Variants in TRIO observed in about 807,000 individuals in gnomAD.
TRIO encodes triple functional domain protein.
In TRIO, 58 loss-of-function variants were observed where a neutral mutation model predicts 351.9. The observed-to-expected ratio is 0.16, with a 90% CI of 0.13 to 0.21. The LOEUF is 0.21. Ranked by LOEUF, TRIO falls within the 10% of genes least tolerant of loss-of-function variation. TRIO has a pLI of 1.00. For missense variants in TRIO, 3,201 were observed against 4,027.8 expected (o/e 0.79, Z 5.56); for synonymous variants, 1,758 against 1,595.7 (o/e 1.10, Z -2.42).
Position 14,387,862 on chromosome 5 carries a change from C to T in TRIO, c.3881+15C>T. 6.2e-7 allele frequency: 1 copy of T among 1,610,802 alleles called. No individual in the cohort carries two copies. The highest frequency in any genetic ancestry group is 8.5e-7 in the Non-Finnish European group (1 of 1,177,388). The stretch of plus-strand genomic sequence containing the variant: ...CGCAGGAAAGAGTAAGCCAGTCTTT[C>T]AGAATCTACCAGGATTCACTGGAAA... On this transcript the variant is annotated intron_variant, in intron 23 of 56. Transcript: ENST00000344204.
chr5:14,423,376 G>T (rs1750344820), intron 34 of TRIO, among the ~76,000 whole-genome samples: 1 of 152,208 alleles, frequency 6.6e-6, no homozygotes, highest in Middle Eastern at 3.2e-3. Flanking sequence ...CACCATTGTT[G>T]ATGGCTCAGT....
In TRIO at chr5:14,457,226, C is replaced by T. The variant is rs16903522; in HGVS notation, c.5204-3793C>T. ...ACATTTTTCTAAGTCATAAATATTC[C>T]GGCAAAATGAAAGAATGTCACTTCC... On this transcript the variant is annotated intron_variant, in intron 34 of 56. Transcript: ENST00000344204. Among the ~76,000 whole-genome samples, 925 of 152,088 alleles carry T rather than the reference C, an allele frequency of 6.1e-3. 15 individuals are homozygous for T. The highest frequency in any genetic ancestry group is 0.021 in the African/African-American group (891 of 41,466).
At chr5:14,301,224 C>A (rs751523453) in intron 7 of TRIO, among the ~76,000 whole-genome samples, 1 of 152,044 alleles carries the variant, frequency 6.6e-6, no homozygotes, top group Non-Finnish European at 1.5e-5. Context: ...CTCTGTTTTG[C>A]AAACTGGGTG....
intron 1 of TRIO, among the ~76,000 whole-genome samples, chr5:14,240,005 A>G (rs1175051671): frequency 6.6e-6 from 1 of 152,190 alleles, no homozygotes; most frequent in Non-Finnish European, 1.5e-5. Context: ...TCTCATGTAG[A>G]TCATCCCCCA....
At position 14,394,133 on chromosome 5, in the gene TRIO, A is replaced by G. The variant is rs754928588; in HGVS notation, c.4311+3A>G. ...CGAAGTATCAGCTCCTTTTAAAAGT[A>G]TGTATAATGCGTCTTCAGCCTGTGA... On this transcript the variant is annotated splice_donor_region_variant and intron_variant, in intron 28 of 56. Coordinates refer to ENST00000344204, the MANE Select transcript of TRIO (RefSeq NM_007118.4). The G allele has an allele frequency of 5.7e-6, 9 of 1,585,744 alleles. No homozygotes were observed. The highest frequency in any genetic ancestry group is 7.8e-6 in the Non-Finnish European group (9 of 1,155,932).
intron 19 of TRIO, among the ~76,000 whole-genome samples, chr5:14,376,333 C>A (rs1745555317): frequency 6.6e-6 from 1 of 152,172 alleles, no homozygotes; most frequent in East Asian, 1.9e-4. Context: ...GCAAAACAGA[C>A]TTAGTGTCAA....
intron 9 of TRIO, 42 bp from the exon 10 acceptor site, chr5:14,330,736 G>C (rs1740833051): frequency 1.9e-6 from 3 of 1,606,470 alleles, no homozygotes; most frequent in Non-Finnish European, 8.5e-7. Flanking sequence ...GAACATGGCA[G>C]GACATTGTTT....
At chr5:14,463,884 C>T (rs1411682307) in intron 36 of TRIO, among the ~76,000 whole-genome samples, 1 of 152,156 alleles carries the variant, frequency 6.6e-6, no homozygotes, top group Non-Finnish European at 1.5e-5. Context: ...TCATGCACTC[C>T]TCTTAACCCA....
At chr5:14,202,702 T>C (rs1791213309) in intron 1 of TRIO, among the ~76,000 whole-genome samples, 2 of 148,492 alleles carry the variant, frequency 1.3e-5, no homozygotes, top group Non-Finnish European at 3.0e-5. Context: ...TGGCTCTCAT[T>C]ATCTCGTCTG....
chr5:14,490,783 T>TACTAC (rs1380555998), intron 48 of TRIO: 2 of 455,780 alleles, frequency 4.4e-6, no homozygotes, highest in African/African-American at 2.0e-5. Flanking sequence ...TATGAGATTG[T>TACTAC]AGCCTGGTAT....
chr5:14,391,566 G>A (rs544139946), intron 27 of TRIO, among the ~76,000 whole-genome samples: 18 of 152,280 alleles, frequency 1.2e-4, no homozygotes, highest in East Asian at 5.8e-4. Flanking sequence ...CTGTTGCAGC[G>A]GCTTATTCAG....
At chr5:14,205,517 C>T (rs1272746047) in intron 1 of TRIO, among the ~76,000 whole-genome samples, 1 of 151,944 alleles carries the variant, frequency 6.6e-6, no homozygotes, top group Non-Finnish European at 1.5e-5. Context: ...GGATAAAAAC[C>T]CCTGGAAAAA....
intron 11 of TRIO, among the ~76,000 whole-genome samples, chr5:14,338,137 C>G (rs1741596815): frequency 6.6e-6 from 1 of 152,194 alleles, no homozygotes; most frequent in Non-Finnish European, 1.5e-5. Flanking sequence ...CCGAGCTTGT[C>G]TCTTGCTGCC....
At chr5:14,410,064 C>T (rs1478497185) in intron 33 of TRIO, among the ~76,000 whole-genome samples, 4 of 152,122 alleles carry the variant, frequency 2.6e-5, no homozygotes, top group Non-Finnish European at 5.9e-5. Flanking sequence ...CTGAGAGCAT[C>T]GGTCCTTAGT....
At chr5:14,192,578 T>C (rs1790524294) in intron 1 of TRIO, among the ~76,000 whole-genome samples, 1 of 152,168 alleles carries the variant, frequency 6.6e-6, no homozygotes, top group Non-Finnish European at 1.5e-5. Context: ...ATAATATCAG[T>C]ATTCTGGGAT....
intron 31 of TRIO, among the ~76,000 whole-genome samples, chr5:14,403,590 T>A (rs1278289230): frequency 1.7e-5 from 2 of 117,008 alleles, no homozygotes; most frequent in African/African-American, 7.0e-5. Flanking sequence ...TAGGTTGTGG[T>A]GGTGAGGGTG....
chr5:14,492,844 C>T, intron 49 of TRIO, 30 bp downstream of exon 49: 1 of 1,605,394 alleles, frequency 6.2e-7, no homozygotes, highest in Non-Finnish European at 8.5e-7. Flanking sequence ...GGCGTCCTGG[C>T]AGGCAGCAGA....
intron 32 of TRIO, chr5:14,406,229 C>T (rs1243319933): frequency 4.9e-6 from 3 of 610,582 alleles, no homozygotes; most frequent in African/African-American, 3.7e-5. Context: ...TTGCCTTTCT[C>T]ACCCCGAGCA....
intron 1 of TRIO, among the ~76,000 whole-genome samples, chr5:14,157,745 C>T (rs1788202528): frequency 6.6e-6 from 1 of 152,084 alleles, no homozygotes; most frequent in South Asian, 2.1e-4. Flanking sequence ...CCACGACACC[C>T]AGCTAATTTT....
Sources: gnomAD v4.1 joint callset for allele counts (sites outside exome capture counted in the v4.1 genomes callset) on GRCh38, gnomAD v4.1.1 for gene constraint, MANE v1.5 for transcripts, NCBI Gene and HGNC (gene_info 2026-07-23, HGNC 2026-07-21) for gene names.